The following SHPRH variants were observed in gnomAD, a reference collection of about 807,000 sequenced individuals.
SHPRH encodes the protein SNF2 histone linker PHD RING helicase, also known as E3 ubiquitin-protein ligase SHPRH.
Under a neutral mutation model 202.5 loss-of-function variants are expected in SHPRH, and 106 were observed. The observed-to-expected ratio is 0.52, with a 90% CI of 0.45 to 0.62. The LOEUF is 0.62. Among genes scored for constraint, SHPRH ranks in the 20% least tolerant of loss-of-function variants. The pLI, the probability that SHPRH is intolerant of heterozygous loss-of-function variation, is 0.00. For missense variants in SHPRH, 1,710 were observed against 2,020.0 expected (o/e 0.85, Z 2.94); for synonymous variants, 729 against 686.0 (o/e 1.06, Z -0.98).
chr6:145,864,110 A>C (rs1259318670), downstream of SHPRH: 1 of 160,788 alleles, frequency 6.2e-6, no homozygotes, highest in Admixed American at 6.4e-5. Flanking sequence ...CATCTTGTTG[A>C]CAAATTAGAT....
intron 14 of SHPRH, among the ~76,000 whole-genome samples, chr6:145,927,557 G>A (rs1321646286): frequency 1.3e-5 from 2 of 151,448 alleles, no homozygotes; most frequent in Admixed American, 6.6e-5. Flanking sequence ...CGTTTGTAAT[G>A]TTTTGAGATT....
chr6:145,918,401 A>AT (rs74909823), intron 22 of SHPRH, 169 bp from the exon 23 acceptor site: 6,228 of 322,970 alleles, frequency 0.019, 5 homozygotes, highest in East Asian at 0.024. Flanking sequence ...ATTTCAAATG[A>AT]TTTTTTTTTT....
intron 1 of SHPRH, among the ~76,000 whole-genome samples, chr6:145,961,683 TAGTGCCTCAAG>T (rs1283282544): frequency 2.6e-5 from 4 of 151,850 alleles, no homozygotes; most frequent in Non-Finnish European, 5.9e-5. Flanking sequence ...CTTCCAATAT[TAGTGCCTCAAG>T]GTACTTATCA....
intron 2 of SHPRH, among the ~76,000 whole-genome samples, chr6:145,877,138 C>T (rs1780340608): frequency 6.6e-6 from 1 of 152,142 alleles, no homozygotes; most frequent in East Asian, 1.9e-4. Context: ...CCAGACTGTT[C>T]ATATGAGTTT....
chr6:145,860,721 G>C (rs905010505), downstream of SHPRH, among the ~76,000 whole-genome samples: 2 of 151,944 alleles, frequency 1.3e-5, no homozygotes, highest in African/African-American at 4.8e-5. Flanking sequence ...CAAAACCAGA[G>C]GTATCACATT....
intron 29 of SHPRH, among the ~76,000 whole-genome samples, chr6:145,887,125 A>G (rs988900950): frequency 1.3e-5 from 2 of 152,230 alleles, no homozygotes; most frequent in African/African-American, 4.8e-5. Flanking sequence ...CAAACAACTC[A>G]TAACTGCTAT....
chr6:145,931,815 G>A lies in SHPRH; in HGVS notation c.3112+1242C>T, dbSNP rs185757082. Among the ~76,000 whole-genome samples the A allele has an allele frequency of 1.8e-3, 280 of 151,352 alleles. 1 individual carries two copies. The highest frequency in any genetic ancestry group is 5.5e-3 in the African/African-American group (228 of 41,208). ...TAATCTTACAATATTATACATCCAC[G>A]TCTCCCCACACAGACTTTGTATCAT... On this transcript the variant is annotated intron_variant, in intron 14 of 29. Coordinates refer to ENST00000275233, the MANE Select transcript of SHPRH (RefSeq NM_001042683.3).
chr6:145,941,687 A>C lies in SHPRH; in HGVS notation c.2426T>G (p.Val809Gly), dbSNP rs1458586427. ...GCAGATCCTCCACCACTCCACAGCT[A>C]CCAGGGGGCTCGGGATAGCCATATA... is the stretch of plus-strand genomic sequence containing the variant. ...KRYMAIPSPL[V>G]AVEWWRICLD... The change falls in exon 10 of 30, where the codon GTA becomes GGA. Residue 809 changes from valine to glycine, a missense_variant. Coordinates refer to ENST00000275233, the MANE Select transcript of SHPRH (RefSeq NM_001042683.3). 6.2e-7 allele frequency: 1 copy of C among 1,613,998 alleles called. No homozygotes were observed.
At chr6:145,887,493 TTG>T (rs1347257642) in intron 29 of SHPRH, among the ~76,000 whole-genome samples, 1 of 152,114 alleles carries the variant, frequency 6.6e-6, no homozygotes, top group African/African-American at 2.4e-5. Context: ...TGCTTTTGTT[TTG>T]TCTTTGGATT....
intron 28 of SHPRH, among the ~76,000 whole-genome samples, chr6:145,890,250 G>T (rs1781464053): frequency 6.6e-6 from 1 of 152,144 alleles, no homozygotes; most frequent in South Asian, 2.1e-4. Context: ...TCTACTAGCT[G>T]CCTGACTATG....
intron 10 of SHPRH, 24 bp downstream of exon 10, chr6:145,941,599 A>T: frequency 1.9e-6 from 3 of 1,611,144 alleles, no homozygotes; most frequent in Non-Finnish European, 2.5e-6. Context: ...CCCAGCCCTC[A>T]AAAGATTTTG....
chr6:145,962,597 G>A (rs571602693), intron 1 of SHPRH, among the ~76,000 whole-genome samples: 10 of 152,142 alleles, frequency 6.6e-5, no homozygotes, highest in Non-Finnish European at 1.5e-4. Context: ...TCCAACAAAT[G>A]AATAACACAA....
At chr6:145,952,126 C>A (rs781250194) in intron 3 of SHPRH, among the ~76,000 whole-genome samples, 1 of 151,986 alleles carries the variant, frequency 6.6e-6, no homozygotes, top group Non-Finnish European at 1.5e-5. Flanking sequence ...ATATTGACTC[C>A]GCAAATATTT....
In SHPRH at chr6:145,934,130, G is replaced by A. The variant is rs184246993; in HGVS notation, c.2990+777C>T. Among the ~76,000 whole-genome samples the A allele has an allele frequency of 5.7e-3, 864 of 152,130 alleles. 4 individuals carry two copies. The highest frequency in any genetic ancestry group is 9.3e-3 in the Non-Finnish European group (631 of 67,988). On this transcript the variant is annotated intron_variant, in intron 13 of 29. Transcript: ENST00000275233. ...GAGACAGGAGGACTGCTTGGGGCCAGGTGTTCAGGATCAGCTCAGGCAACA... is the reference window on the plus strand; with the variant it reads ...GAGACAGGAGGACTGCTTGGGGCCAAGTGTTCAGGATCAGCTCAGGCAACA...
At chr6:145,948,518 C>A (rs1018092449) in intron 4 of SHPRH, among the ~76,000 whole-genome samples, 168 bp from the exon 5 acceptor site, 1 of 151,936 alleles carries the variant, frequency 6.6e-6, no homozygotes, top group African/African-American at 2.4e-5. Context: ...GAGTAAAAAG[C>A]TAAAAGTCCC....
At chr6:145,895,443 T>C (rs890897385) in intron 25 of SHPRH, among the ~76,000 whole-genome samples, 16 of 151,926 alleles carry the variant, frequency 1.1e-4, no homozygotes, top group African/African-American at 3.9e-4. Context: ...AATGTTTTCT[T>C]GCAAGGGTAT....
At chr6:145,871,371 A>G (rs1250023023) in intron 2 of SHPRH, 1 of 152,204 alleles carries the variant, frequency 6.6e-6, no homozygotes. Flanking sequence ...AGGATAAAAA[A>G]TCAAAGTGCA....
At chr6:145,864,603 A>AT (rs1779689050) in intron 2 of SHPRH, 1 of 166,998 alleles carries the variant, frequency 6.0e-6, no homozygotes, top group South Asian at 1.9e-4. Flanking sequence ...CAAAGAAAGA[A>AT]ATTTTTTTTT....
chr6:145,940,374 C>T (rs1285712355), intron 11 of SHPRH, among the ~76,000 whole-genome samples: 1 of 144,872 alleles, frequency 6.9e-6, no homozygotes, highest in Non-Finnish European at 1.5e-5. Context: ...CTCCCCACCC[C>T]CCCCACCCTT....
Sources: gnomAD v4.1 joint callset for allele counts (sites outside exome capture counted in the v4.1 genomes callset) on GRCh38, gnomAD v4.1.1 for gene constraint, MANE v1.5 for transcripts, NCBI Gene and HGNC (gene_info 2026-07-23, HGNC 2026-07-21) for gene names.